Variants in RBFOX1 observed in about 807,000 individuals in gnomAD.
The protein encoded by RBFOX1 is RNA binding fox-1 homolog 1.
RBFOX1 carries 8 observed loss-of-function variants against 57.7 expected under a neutral mutation model. That is an observed-to-expected ratio of 0.14 (90% confidence interval 0.08 to 0.25). The LOEUF (loss-of-function observed/expected upper bound fraction) is 0.25. RBFOX1 is among the 10% of genes least tolerant of loss of function. RBFOX1 has a pLI of 1.00. For missense variants in RBFOX1, 611 were observed against 548.5 expected (o/e 1.11, Z -1.14); for synonymous variants, 326 against 222.4 (o/e 1.47, Z -4.15).
In RBFOX1 at chr16:5,911,699, A is replaced by G. The variant is rs532569601; in HGVS notation, c.351+44364A>G. On this transcript the variant is annotated intron_variant, in intron 4 of 19. Transcript: ENST00000641259. Reference sequence around the variant, plus strand: ...TTTTTCACAGCTCTGGAGTCTGGGAAGTCCAGGATGAAGGCAGATTCCGTG... The same window carrying G: ...TTTTTCACAGCTCTGGAGTCTGGGAGGTCCAGGATGAAGGCAGATTCCGTG... 1.2e-4 allele frequency among the ~76,000 whole-genome samples: 18 copies of G among 152,298 alleles called. 1 individual carries two copies. In the South Asian group the frequency reaches 3.7e-3, roughly 32 times the overall value.
At chr16:7,406,012 A>G (rs761861059) in intron 4 of RBFOX1, among the ~76,000 whole-genome samples, 2 of 152,220 alleles carry the variant, frequency 1.3e-5, no homozygotes, top group Non-Finnish European at 1.5e-5. Flanking sequence ...TGCAACACAC[A>G]GAGCATATCC....
chr16:6,412,015 C>G (rs2093472453), intron 2 of RBFOX1, among the ~76,000 whole-genome samples: 1 of 151,904 alleles, frequency 6.6e-6, no homozygotes, highest in South Asian at 2.1e-4. Context: ...GCCTGTAATC[C>G]CAGCCACTCA....
chr16:6,337,591 G>A (rs974139151), intron 2 of RBFOX1, among the ~76,000 whole-genome samples: 2 of 152,218 alleles, frequency 1.3e-5, no homozygotes, highest in African/African-American at 4.8e-5. Flanking sequence ...CAGCCCAGTA[G>A]AGGCAGATAT....
intron 2 of RBFOX1, among the ~76,000 whole-genome samples, chr16:6,640,532 C>T (rs977849634): frequency 1.3e-5 from 2 of 152,076 alleles, no homozygotes; most frequent in South Asian, 2.1e-4. Context: ...AGCGTGAACC[C>T]GGGAAGCGGA....
intron 2 of RBFOX1, among the ~76,000 whole-genome samples, chr16:6,617,464 C>T (rs2098160441): frequency 1.3e-5 from 2 of 151,868 alleles, no homozygotes; most frequent in African/African-American, 4.8e-5. Context: ...GTTCACTTCT[C>T]ATGGATGTAA....
At chr16:5,649,706 G>A (rs1016485271) in intron 3 of RBFOX1, among the ~76,000 whole-genome samples, 5 of 152,124 alleles carry the variant, frequency 3.3e-5, no homozygotes, top group African/African-American at 7.2e-5. Flanking sequence ...ACAAAGTACT[G>A]CATGAATTTA....
intron 4 of RBFOX1, among the ~76,000 whole-genome samples, chr16:5,964,803 A>G (rs1396645028): frequency 1.3e-5 from 2 of 152,054 alleles, no homozygotes; most frequent in African/African-American, 4.8e-5. Context: ...ATTGGTGCAT[A>G]TATACATTTA....
At chr16:5,297,708 G>A (rs374881571) in intron 1 of RBFOX1, among the ~76,000 whole-genome samples, 1 of 152,132 alleles carries the variant, frequency 6.6e-6, no homozygotes, top group East Asian at 1.9e-4. Flanking sequence ...TTCATTGAAG[G>A]AGTTTAGACT....
chr16:7,132,900 A>T (rs777703634), intron 4 of RBFOX1, among the ~76,000 whole-genome samples: 1 of 152,250 alleles, frequency 6.6e-6, no homozygotes, highest in African/African-American at 2.4e-5. Flanking sequence ...ACATATGTGC[A>T]TAAAAATTGT....
At chr16:6,495,721 A>C (rs572348169) in intron 2 of RBFOX1, among the ~76,000 whole-genome samples, 6 of 152,152 alleles carry the variant, frequency 3.9e-5, no homozygotes, top group African/African-American at 1.4e-4. Flanking sequence ...TTGGTTACAC[A>C]CTGTAATATT....
chr16:7,556,408 C>G (rs1187763315), intron 5 of RBFOX1, among the ~76,000 whole-genome samples: 1 of 152,170 alleles, frequency 6.6e-6, no homozygotes, highest in Non-Finnish European at 1.5e-5. Context: ...ACTCAGATCC[C>G]TTTCTTAGAT....
intron 11 of RBFOX1, among the ~76,000 whole-genome samples, chr16:7,645,882 G>A (rs1356538756): frequency 2.0e-5 from 3 of 151,866 alleles, no homozygotes; most frequent in East Asian, 3.9e-4. Flanking sequence ...GACAAATTAA[G>A]TGGCCGTTTT....
chr16:6,035,288 G>A (rs2095350906), intron 1 of RBFOX1, among the ~76,000 whole-genome samples: 1 of 152,182 alleles, frequency 6.6e-6, no homozygotes. Flanking sequence ...TGATGTCAGG[G>A]CATCTTCCAT....
At chr16:6,742,917 G>C (rs1381162118) in intron 3 of RBFOX1, among the ~76,000 whole-genome samples, 4 of 152,090 alleles carry the variant, frequency 2.6e-5, no homozygotes, top group Non-Finnish European at 5.9e-5. Flanking sequence ...GGTAGTTACA[G>C]AAATCTATAC....
intron 3 of RBFOX1, among the ~76,000 whole-genome samples, chr16:5,810,117 T>C (rs2055367754): frequency 2.7e-5 from 4 of 149,410 alleles, no homozygotes; most frequent in Admixed American, 6.8e-5. Context: ...CAGGTGGGAA[T>C]TGAACAGTGA....
At chr16:6,974,178 C>T (rs1441439950) in intron 3 of RBFOX1, among the ~76,000 whole-genome samples, 2 of 152,014 alleles carry the variant, frequency 1.3e-5, no homozygotes, top group Non-Finnish European at 2.9e-5. Flanking sequence ...TCCAGTCTAT[C>T]ATTGCTGAGC....
chr16:7,582,261 A>G (rs2152854955), intron 6 of RBFOX1, among the ~76,000 whole-genome samples: 1 of 152,326 alleles, frequency 6.6e-6, no homozygotes, highest in Non-Finnish European at 1.5e-5. Flanking sequence ...ATACCTGTCA[A>G]TTAAGAGAAC....
intron 4 of RBFOX1, chr16:7,332,624 C>A: frequency 3.0e-6 from 1 of 329,770 alleles, no homozygotes; most frequent in Non-Finnish European, 4.8e-6. Flanking sequence ...GAGCTTATAT[C>A]TCATAGCCTG....
chr16:6,028,115 C>CAGAATCAAGT (rs1412536793), intron 1 of RBFOX1, among the ~76,000 whole-genome samples: 1 of 152,198 alleles, frequency 6.6e-6, no homozygotes, highest in Non-Finnish European at 1.5e-5. Context: ...GGGTCACTGC[C>CAGAATCAAGT]TGTGTTCTCA....
Sources: allele counts gnomAD v4.1 joint callset (sites outside exome capture counted in the v4.1 genomes callset), GRCh38; gene constraint gnomAD v4.1.1; transcripts MANE v1.5; gene names NCBI Gene and HGNC (gene_info 2026-07-23, HGNC 2026-07-21).